Variants in CNTN5 observed in about 807,000 individuals in gnomAD.
The protein encoded by CNTN5 is contactin 5.
CNTN5 carries 77 observed loss-of-function variants against 129.1 expected under a neutral mutation model. The observed-to-expected ratio is 0.60, with a 90% CI of 0.50 to 0.72. CNTN5 has a LOEUF of 0.72. CNTN5 is among the 30% of genes least tolerant of loss of function. The pLI, the probability that CNTN5 is intolerant of heterozygous loss-of-function variation, is 0.00. For synonymous variants in CNTN5, 509 were observed against 465.6 expected (o/e 1.09, Z -1.20); for missense variants, 1,478 against 1,328.8 (o/e 1.11, Z -1.75).
intron 1 of CNTN5, among the ~76,000 whole-genome samples, chr11:99,297,174 A>G (rs1864423573): frequency 6.6e-6 from 1 of 152,184 alleles, no homozygotes; most frequent in Non-Finnish European, 1.5e-5. Flanking sequence ...CTAATAGAAA[A>G]TACTGCCACA....
intron 19 of CNTN5, among the ~76,000 whole-genome samples, chr11:100,298,316 T>C (rs1951139323): frequency 1.3e-5 from 2 of 151,434 alleles, no homozygotes. Context: ...CCCCCTTTTC[T>C]TCGATAAAAC....
chr11:99,364,541 T>C (rs1423159725), intron 2 of CNTN5, among the ~76,000 whole-genome samples: 1 of 152,118 alleles, frequency 6.6e-6, no homozygotes, highest in Non-Finnish European at 1.5e-5. Flanking sequence ...GACCTTGCCT[T>C]TCTCTATCAT....
intron 1 of CNTN5, among the ~76,000 whole-genome samples, chr11:99,169,423 C>T (rs932176387): frequency 7.1e-6 from 1 of 141,448 alleles, no homozygotes; most frequent in Non-Finnish European, 1.5e-5. Context: ...CCACATATGC[C>T]CATAATACGT....
At chr11:99,630,601 C>G (rs1446904703) in intron 3 of CNTN5, among the ~76,000 whole-genome samples, 1 of 152,012 alleles carries the variant, frequency 6.6e-6, no homozygotes, top group Non-Finnish European at 1.5e-5. Flanking sequence ...CAAAAATCTT[C>G]CTATTTCTTA....
chr11:99,818,594 C>T (rs996305506), intron 3 of CNTN5, among the ~76,000 whole-genome samples: 2 of 152,210 alleles, frequency 1.3e-5, no homozygotes, highest in African/African-American at 4.8e-5. Flanking sequence ...CCAAGATCAG[C>T]AAATTGTCCA....
intron 1 of CNTN5, among the ~76,000 whole-genome samples, chr11:99,299,145 GA>G (rs1422605084): frequency 6.6e-6 from 1 of 151,974 alleles, no homozygotes; most frequent in Non-Finnish European, 1.5e-5. Flanking sequence ...AAAAATAAAG[GA>G]AAATATACCA....
intron 3 of CNTN5, among the ~76,000 whole-genome samples, chr11:99,637,043 T>TAAAAAAAAAAAAAAAAAAAAAAAAAA (rs763109822): frequency 8.3e-5 from 8 of 95,816 alleles, no homozygotes; most frequent in Middle Eastern, 5.4e-3. Context: ...AAAAAAAAAG[T>TAAAAAAAAAAAAAAAAAAAAAAAAAA]AAATGACTCT....
At chr11:99,848,918 T>A (rs1159708420) in intron 6 of CNTN5, among the ~76,000 whole-genome samples, 1 of 152,176 alleles carries the variant, frequency 6.6e-6, no homozygotes, top group Non-Finnish European at 1.5e-5. Flanking sequence ...CAGTTCACTT[T>A]GGTGATTAAC....
At chr11:99,637,869 T>C (rs1278750708) in intron 3 of CNTN5, among the ~76,000 whole-genome samples, 1 of 152,116 alleles carries the variant, frequency 6.6e-6, no homozygotes. Flanking sequence ...CTCCTGTGTC[T>C]CTGAGCCAGC....
intron 3 of CNTN5, among the ~76,000 whole-genome samples, chr11:99,739,441 C>T (rs949616442): frequency 6.6e-6 from 1 of 151,968 alleles, no homozygotes; most frequent in Admixed American, 6.6e-5. Context: ...TTTACACCTC[C>T]GATTTGCCTT....
intron 13 of CNTN5, among the ~76,000 whole-genome samples, chr11:100,120,887 T>TAACA (rs1422870225): frequency 6.6e-6 from 1 of 152,026 alleles, no homozygotes; most frequent in East Asian, 1.9e-4. Context: ...CTAGTATTTT[T>TAACA]AACACATAAG....
intron 1 of CNTN5, among the ~76,000 whole-genome samples, chr11:99,084,814 T>G (rs1344721598): frequency 1.3e-5 from 2 of 152,186 alleles, no homozygotes; most frequent in Admixed American, 6.5e-5. Context: ...CTTTTTTGTT[T>G]TATTTCTCAC....
At chr11:100,078,077 A>G (rs73561075) in intron 13 of CNTN5, among the ~76,000 whole-genome samples, 2,337 of 152,294 alleles carry the variant, frequency 0.015, 76 homozygotes, top group African/African-American at 0.054. Context: ...ATGATAGAAC[A>G]ACTGAAGGTT....
chr11:99,299,497 C>T (rs12792879), intron 1 of CNTN5, among the ~76,000 whole-genome samples: 21,774 of 152,076 alleles, frequency 0.14, 2,055 homozygotes, highest in Non-Finnish European at 0.21. Flanking sequence ...AGTGGTTATC[C>T]AGTCTAAGAA....
chr11:99,862,223 T>C (rs1948228554), intron 6 of CNTN5, among the ~76,000 whole-genome samples: 1 of 152,214 alleles, frequency 6.6e-6, no homozygotes. Flanking sequence ...CATTTCAGCA[T>C]GACAACTAGC....
At chr11:100,229,958 A>G (rs1949455782) in intron 16 of CNTN5, among the ~76,000 whole-genome samples, 1 of 152,158 alleles carries the variant, frequency 6.6e-6, no homozygotes, top group African/African-American at 2.4e-5. Flanking sequence ...AACGCAAGAG[A>G]GTCTCCAGTG....
intron 1 of CNTN5, among the ~76,000 whole-genome samples, chr11:99,114,911 G>A (rs1230673770): frequency 6.6e-6 from 1 of 152,162 alleles, no homozygotes; most frequent in Admixed American, 6.5e-5. Flanking sequence ...ATGCTATTCG[G>A]AGGTGAGACC....
chr11:99,752,609 A>G (rs964112473), intron 3 of CNTN5, among the ~76,000 whole-genome samples: 1 of 152,176 alleles, frequency 6.6e-6, no homozygotes, highest in African/African-American at 2.4e-5. Context: ...ACTGTTTTCC[A>G]TTCATGTTAT....
chr11:99,250,070 C>T (rs1353465810), intron 1 of CNTN5, among the ~76,000 whole-genome samples: 1 of 151,886 alleles, frequency 6.6e-6, no homozygotes, highest in Non-Finnish European at 1.5e-5. Context: ...AAGGCATAGA[C>T]ACTTCAATAG....
Sources: allele counts gnomAD v4.1 joint callset (sites outside exome capture counted in the v4.1 genomes callset), GRCh38; gene constraint gnomAD v4.1.1; transcripts MANE v1.5; gene names NCBI Gene and HGNC (gene_info 2026-07-23, HGNC 2026-07-21).